Variants in SBNO2 observed in about 807,000 individuals in gnomAD.
The protein encoded by SBNO2 is strawberry notch homolog 2.
SBNO2 carries 89 observed loss-of-function variants against 146.3 expected under a neutral mutation model. The observed-to-expected ratio is 0.61, with a 90% confidence interval of 0.51 to 0.73. The LOEUF is 0.73. Ranked by LOEUF, SBNO2 falls within the 30% of genes least tolerant of loss-of-function variation. The pLI is 0.00. For missense variants in SBNO2, 2,092 were observed against 2,003.7 expected (o/e 1.04, Z -0.84); for synonymous variants, 1,147 against 892.6 (o/e 1.29, Z -5.08).
At chr19:1,142,523 T>C (rs550836297) in intron 4 of SBNO2, among the ~76,000 whole-genome samples, 2 of 151,832 alleles carry the variant, frequency 1.3e-5, no homozygotes, top group African/African-American at 2.4e-5. Context: ...CTACTAAAAA[T>C]ACAAAAATTA....
At chr19:1,135,136 A>C (rs2145264827) in intron 4 of SBNO2, among the ~76,000 whole-genome samples, 1 of 151,456 alleles carries the variant, frequency 6.6e-6, no homozygotes, top group Non-Finnish European at 1.5e-5. Context: ...TGAGGTGGGC[A>C]AACAGCTTGA....
chr19:1,123,158 G>A, intron 7 of SBNO2, 113 bp from the exon 8 acceptor site: 1 of 1,254,930 alleles, frequency 8.0e-7, no homozygotes, highest in Non-Finnish European at 1.1e-6. Flanking sequence ...GGGGCAGTTT[G>A]GGGGCGTGGC....
chr19:1,111,685 C>T (rs2079762372), intron 23 of SBNO2, 71 bp from the exon 24 acceptor site: 2 of 1,169,990 alleles, frequency 1.7e-6, no homozygotes, highest in South Asian at 1.3e-5. Context: ...CCTGCCTCCC[C>T]AGAACCCCAC....
chr19:1,165,274 G>C (rs146586731), intron 1 of SBNO2, among the ~76,000 whole-genome samples: 9 of 152,298 alleles, frequency 5.9e-5, no homozygotes, highest in Admixed American at 5.9e-4. Context: ...CCGAATGCAG[G>C]CCTGGAAAGG....
intron 4 of SBNO2, among the ~76,000 whole-genome samples, chr19:1,138,655 C>G (rs1234837575): frequency 6.6e-6 from 1 of 152,076 alleles, no homozygotes; most frequent in Admixed American, 6.5e-5. Context: ...GTGGGGCCCT[C>G]CACGCCTCCA....
Position 1,114,406 on chromosome 19 carries a change from G to T in SBNO2, c.1902C>A (p.Arg634=), listed in dbSNP as rs61238296. Residue 634 remains arginine (R), a synonymous_variant, in exon 18 of 32, where the codon CGC becomes CGA. Transcript: ENST00000361757. ...ACGCCAGCCGGGGGGCTTTGGCCCC[G>T]CGTCCCCGAGGTCGCCCTGCAGGGA... ...GSKRKRRPRG[R]GAKAPRLACE... The T allele has an allele frequency of 5.9e-3, 9,064 of 1,538,114 alleles. 422 individuals carry two copies. In the African/African-American group the frequency reaches 0.11, roughly 19 times the overall value.
At position 1,150,331 on chromosome 19, in the gene SBNO2, C is replaced by T. The variant is rs555965598; in HGVS notation, c.94-889G>A. 2.0e-5 allele frequency among the ~76,000 whole-genome samples: 3 copies of T among 152,196 alleles called. No individual in the cohort carries two copies. Among genetic ancestry groups the T allele is most frequent in the African/African-American group, 4.8e-5 (2 of 41,540 alleles). Reference sequence around the variant, plus strand: ...GGCCCAGGGTCAGCACCTGCGGCTTCGGGGGCAGGGCTGTGGACACCTCGT... The same window carrying T: ...GGCCCAGGGTCAGCACCTGCGGCTTTGGGGGCAGGGCTGTGGACACCTCGT... On this transcript the variant is annotated intron_variant, in intron 2 of 31. Transcript: ENST00000361757. This position sits in a 1 kb window ranked among gnomAD's most constrained non-coding sequence, Gnocchi z 6.2.
intron 1 of SBNO2, among the ~76,000 whole-genome samples, chr19:1,163,182 G>C (rs189486632): frequency 6.6e-6 from 1 of 152,324 alleles, no homozygotes; most frequent in Admixed American, 6.5e-5. Flanking sequence ...CTTTGCACAC[G>C]TGGTTGGTTA....
In SBNO2 at chr19:1,122,713, T is replaced by C; in HGVS notation, c.859A>G (p.Thr287Ala). 6.5e-7 allele frequency: 1 copy of C among 1,536,750 alleles called. No homozygotes were observed. Among genetic ancestry groups the C allele is most frequent in the South Asian group, 1.2e-5 (1 of 84,048 alleles). Reference protein sequence around the residue: ...GDGAGVGKGRTVAGVILENHL... With the variant: ...GDGAGVGKGRAVAGVILENHL... The stretch of plus-strand genomic sequence containing the variant: ...TTCTCCAGGATGACTCCGGCCACCG[T>C]CCGGCCTTTGCCCACGCCGGCCCCA... Residue 287 changes from threonine to alanine, a missense_variant, in exon 9 of 32, where the codon ACG (threonine) becomes GCG (alanine). Transcript: ENST00000361757.
chr19:1,108,750 C>G, intron 31 of SBNO2, 29 bp downstream of exon 31: 1 of 1,593,244 alleles, frequency 6.3e-7, no homozygotes, highest in Non-Finnish European at 8.5e-7. Flanking sequence ...GGGGCTCGGG[C>G]CTTCCCGGGG....
intron 1 of SBNO2, among the ~76,000 whole-genome samples, chr19:1,167,131 A>C (rs190361670): frequency 6.6e-6 from 1 of 152,360 alleles, no homozygotes; most frequent in East Asian, 1.9e-4. Context: ...TTAGAGCGAG[A>C]CTTCAGCGCT....
At chr19:1,146,526 T>C (rs1430060394) in intron 4 of SBNO2, among the ~76,000 whole-genome samples, 7 of 151,974 alleles carry the variant, frequency 4.6e-5, no homozygotes, top group Non-Finnish European at 8.8e-5. Context: ...TTGGGGGAGC[T>C]GAGCACCAGG....
chr19:1,124,215 G>T (rs931753622), intron 5 of SBNO2, 193 bp from the exon 6 acceptor site: 11 of 623,288 alleles, frequency 1.8e-5, no homozygotes, highest in Non-Finnish European at 2.8e-5. Context: ...CCTCCCCAGT[G>T]GGCACCTCCC....
intron 2 of SBNO2, among the ~76,000 whole-genome samples, chr19:1,151,742 A>C (rs2080244278): frequency 6.6e-6 from 1 of 152,168 alleles, no homozygotes; most frequent in South Asian, 2.1e-4. Context: ...GGCTCACTGC[A>C]ACCTCCACCT....
rs1057124184 is a variant in SBNO2 at position 1,108,361 on chromosome 19, C to T, written c.3960G>A (p.Leu1320=). 14 of 1,295,414 alleles carry T rather than the reference C, an allele frequency of 1.1e-5. No individual in the cohort carries two copies. The Admixed American group carries it at 5.2e-4, about 48-fold the overall frequency. 80.2% of individuals were successfully genotyped at this position (1,295,414 alleles called of 1,614,324 possible). A position where few individuals can be genotyped will look rare whatever the true frequency, so the allele number is the denominator to read the frequency against. The part of the protein sequence containing the change: ...INFKEVLEDM[L]RSLHAGPPSE... ...AGGGCGGCCCCGCGTGCAGCGAGCG[C>T]AGCATGTCCTCCAGCACCTCCTTGA... Residue 1320 remains leucine (L), a synonymous_variant, in exon 32 of 32, where the codon CTG becomes CTA. Transcript: ENST00000361757.
chr19:1,159,493 T>G (rs956540711), intron 1 of SBNO2, among the ~76,000 whole-genome samples: 8 of 4,588 alleles, frequency 1.7e-3, no homozygotes, highest in Non-Finnish European at 2.3e-3. Flanking sequence ...CAGGGGACAG[T>G]GGGGGGACAG....
Position 1,110,155 on chromosome 19 carries a change from C to A in SBNO2, c.3029-378G>T, listed in dbSNP as rs1032448895. On this transcript the variant is annotated intron_variant, in intron 26 of 31. Transcript: ENST00000361757. This position sits in a 1 kb window ranked among gnomAD's most constrained non-coding sequence, Gnocchi z 4.9. The stretch of plus-strand genomic sequence containing the variant: ...GGGCTGCTCAGGTGCTGGGTGACCC[C>A]AAGCAGGCTGTGGGGGATCGTGGGA... Among the ~76,000 whole-genome samples the A allele has an allele frequency of 6.6e-6, 1 of 152,044 alleles. No individual in the cohort carries two copies. Among genetic ancestry groups the A allele is most frequent in the Non-Finnish European group, 1.5e-5 (1 of 67,964 alleles).
rs748673754 is a variant in SBNO2, at chr19:1,111,548, C to G, written c.2767G>C (p.Val923Leu). The G allele has an allele frequency of 1.8e-5, 28 of 1,596,288 alleles. 1 individual carries two copies. The East Asian group carries it at 5.7e-4, about 32-fold the overall frequency. ...ILSQTENKVP[V>L]PQGYPGGVPT... ...ACCCCTCCAGGGTATCCCTGGGGCA[C>G]AGGCACTTTGTTCTCAGTCTGGCTC... The change falls in exon 24 of 32, where the codon GTG becomes CTG. Residue 923 changes from valine (V) to leucine (L), a missense_variant. Val to Leu is a conservative substitution (Grantham distance 32). Coordinates refer to ENST00000361757, the MANE Select transcript of SBNO2 (RefSeq NM_014963.3).
intron 2 of SBNO2, among the ~76,000 whole-genome samples, chr19:1,152,441 C>T (rs1017576298): frequency 1.3e-5 from 2 of 152,146 alleles, no homozygotes; most frequent in Non-Finnish European, 2.9e-5. Context: ...AAGCTCCTGG[C>T]GGGTTTCGGG....
Sources: gnomAD v4.1 joint callset for allele counts (sites outside exome capture counted in the v4.1 genomes callset) on GRCh38, gnomAD v4.1.1 for gene constraint, Gnocchi (gnomAD v3.1) non-coding constraint, MANE v1.5 for transcripts, NCBI Gene and HGNC (gene_info 2026-07-23, HGNC 2026-07-21) for gene names.